The following CNBD2 variants were observed in gnomAD, a reference collection of about 807,000 sequenced individuals.
The protein encoded by CNBD2 is cyclic nucleotide-binding domain-containing protein 2.
In CNBD2, 64 loss-of-function variants were observed where a neutral mutation model predicts 63.7. The observed-to-expected ratio is 1.00, with a 90% CI of 0.82 to 1.24. The LOEUF (loss-of-function observed/expected upper bound fraction) is 1.24. CNBD2 is among the 50% of genes most tolerant of loss of function. The pLI is 0.00. For missense variants in CNBD2, 691 were observed against 713.5 expected, an observed-to-expected ratio of 0.97 and a Z score of 0.36; for synonymous variants, 229 against 255.4, an observed-to-expected ratio of 0.90 and a Z score of 0.99.
chr20:36,005,132 C>T (rs761421142), intron 8 of CNBD2, among the ~76,000 whole-genome samples: 3 of 152,102 alleles, frequency 2.0e-5, no homozygotes, highest in African/African-American at 7.2e-5. Context: ...TGCAAGGAAA[C>T]GTATTAGACA....
intron 11 of CNBD2, among the ~76,000 whole-genome samples, chr20:36,026,382 C>T (rs746113061): frequency 1.3e-5 from 2 of 152,166 alleles, no homozygotes; most frequent in African/African-American, 2.4e-5. Flanking sequence ...AGTCTTATCA[C>T]GGGTTCCTCC....
At chr20:35,968,574 G>T, upstream of CNBD2, 1 of 520,678 alleles carries the variant, frequency 1.9e-6, no homozygotes. Context: ...AGGAGATTCT[G>T]AGAATGATTT....
chr20:36,026,324 C>T (rs570300990), intron 11 of CNBD2, among the ~76,000 whole-genome samples: 6 of 152,258 alleles, frequency 3.9e-5, no homozygotes, highest in East Asian at 3.9e-4. Context: ...TGAGCCACCG[C>T]GCCTGGCCTC....
upstream of CNBD2, among the ~76,000 whole-genome samples, chr20:35,964,794 C>T (rs1298228229): frequency 6.6e-6 from 1 of 151,898 alleles, no homozygotes; most frequent in African/African-American, 2.4e-5. Flanking sequence ...CCTCTGCCTC[C>T]CAGGTTCAAA....
intron 6 of CNBD2, 109 bp downstream of exon 6, chr20:35,984,887 C>G: frequency 8.6e-7 from 1 of 1,156,366 alleles, no homozygotes; most frequent in East Asian, 2.4e-5. Context: ...TTCTCTCTGT[C>G]TGGGATGCTC....
intron 8 of CNBD2, among the ~76,000 whole-genome samples, chr20:35,995,922 G>A (rs1357800357): frequency 6.6e-6 from 1 of 152,220 alleles, no homozygotes; most frequent in Non-Finnish European, 1.5e-5. Flanking sequence ...GGAATCTGAG[G>A]TCGAGGGGCT....
At chr20:36,017,619 A>C (rs2057152780) in intron 10 of CNBD2, among the ~76,000 whole-genome samples, 1 of 152,226 alleles carries the variant, frequency 6.6e-6, no homozygotes, top group Non-Finnish European at 1.5e-5. Flanking sequence ...CCAAAACAGA[A>C]GAAATCCACT....
chr20:35,963,467 C>G (rs111431112), intron 2 of CNBD2, among the ~76,000 whole-genome samples: 10,409 of 151,934 alleles, frequency 0.069, 629 homozygotes, highest in African/African-American at 0.17. Flanking sequence ...ATGGTGAAAC[C>G]CTGTCTTTAC....
intron 2 of CNBD2, chr20:35,974,991 T>A (rs1049009891): frequency 2.0e-5 from 3 of 148,892 alleles, no homozygotes; most frequent in Non-Finnish European, 3.0e-5. Context: ...TTTTTTTATT[T>A]TTTTTATTTT....
intron 2 of CNBD2, among the ~76,000 whole-genome samples, chr20:35,962,388 A>G (rs1309870879): frequency 6.6e-6 from 1 of 151,390 alleles, no homozygotes; most frequent in Non-Finnish European, 1.5e-5. Context: ...CCTCCCGAGT[A>G]GCTGGGACTA....
intron 2 of CNBD2, among the ~76,000 whole-genome samples, chr20:35,975,334 T>A (rs1314245143): frequency 9.7e-5 from 11 of 113,764 alleles, no homozygotes; most frequent in Middle Eastern, 5.3e-3. Context: ...GGAGTCTTGC[T>A]CTGTTGCCCA....
At chr20:35,985,690 G>A (rs1224015303) in intron 6 of CNBD2, among the ~76,000 whole-genome samples, 1 of 152,060 alleles carries the variant, frequency 6.6e-6, no homozygotes, top group African/African-American at 2.4e-5. Flanking sequence ...GTTTCACTAT[G>A]TTGGCCAGGG....
intron 11 of CNBD2, among the ~76,000 whole-genome samples, chr20:36,028,352 G>A (rs1314954679): frequency 2.0e-5 from 3 of 151,960 alleles, no homozygotes; most frequent in Admixed American, 1.3e-4. Flanking sequence ...TTCATTAATC[G>A]TTGAACTCAT....
chr20:35,999,055 TGTC>T (rs2056863931), intron 8 of CNBD2, among the ~76,000 whole-genome samples: 1 of 152,158 alleles, frequency 6.6e-6, no homozygotes, highest in Non-Finnish European at 1.5e-5. Context: ...TGAACTTATT[TGTC>T]CCTGGTAATA....
intron 10 of CNBD2, among the ~76,000 whole-genome samples, chr20:36,016,491 A>G (rs1601095829): frequency 6.6e-6 from 1 of 152,290 alleles, no homozygotes; most frequent in East Asian, 1.9e-4. Context: ...AAACTGTTTT[A>G]GAAAATAAGA....
intron 10 of CNBD2, 28 bp downstream of exon 10, chr20:36,011,285 A>G: frequency 6.7e-7 from 1 of 1,502,054 alleles, no homozygotes; most frequent in Non-Finnish European, 8.9e-7. Context: ...TCTGTTCACC[A>G]TGGAGTACGT....
chr20:35,991,447 T>C (rs1205714095), intron 7 of CNBD2, among the ~76,000 whole-genome samples: 1 of 152,168 alleles, frequency 6.6e-6, no homozygotes, highest in Non-Finnish European at 1.5e-5. Context: ...TTAATATAAG[T>C]AGCAAAAGAT....
chr20:35,975,748 T>C (rs1200219153), intron 2 of CNBD2, among the ~76,000 whole-genome samples: 5 of 152,066 alleles, frequency 3.3e-5, no homozygotes, highest in Admixed American at 1.3e-4. Flanking sequence ...TTCACAATAA[T>C]ATGCTGTAAA....
intron 5 of CNBD2, 63 bp from the exon 6 acceptor site, chr20:35,984,564 G>A: frequency 1.9e-6 from 3 of 1,567,246 alleles, no homozygotes; most frequent in Non-Finnish European, 2.6e-6. Context: ...GAAGATGTGT[G>A]TAAGGCTGAG....
Sources: gnomAD v4.1 joint callset for allele counts (sites outside exome capture counted in the v4.1 genomes callset) on GRCh38, gnomAD v4.1.1 for gene constraint, MANE v1.5 for transcripts, NCBI Gene and HGNC (gene_info 2026-07-23, HGNC 2026-07-21) for gene names.